The following NAV3 variants were observed in gnomAD, a reference collection of about 807,000 sequenced individuals.
NAV3 encodes the protein neuron navigator 3, also known as pore membrane and/or filament interacting like protein 1.
NAV3 carries 87 observed loss-of-function variants against 244.7 expected under a neutral mutation model. That is an observed-to-expected ratio of 0.36 (90% CI 0.30 to 0.42). The LOEUF (loss-of-function observed/expected upper bound fraction) is 0.42, where lower values mean the gene tolerates loss of function less well. Among genes scored for constraint, NAV3 ranks in the 20% least tolerant of loss-of-function variants. The pLI is 1.00. For synonymous variants in NAV3, 1,126 were observed against 1,042.2 expected (o/e 1.08, Z -1.55); for missense variants, 2,663 against 2,893.3 (o/e 0.92, Z 1.83).
chr12:77,956,262 C>T (rs946135172), intron 3 of NAV3, among the ~76,000 whole-genome samples: 5 of 152,062 alleles, frequency 3.3e-5, no homozygotes, highest in South Asian at 2.1e-4. Flanking sequence ...TATGTAATGG[C>T]GCTAGTATTA....
Position 78,022,489 on chromosome 12 carries a change from T to C in NAV3, c.2023+627T>C, listed in dbSNP as rs997265347. On this transcript the variant is annotated intron_variant, in intron 9 of 39. Coordinates refer to ENST00000397909, the MANE Select transcript of NAV3 (RefSeq NM_001024383.2). ...ATTCGTGAGGAATCAAGTAACCTCC[T>C]AGCAAAATATATTGCCCCTAAAGGG... Among the ~76,000 whole-genome samples, 6 of 151,996 alleles carry C rather than the reference T, an allele frequency of 3.9e-5. No homozygotes were observed. The South Asian group carries it at 1.2e-3, about 31-fold the overall frequency.
chr12:77,878,841 G>A (rs1329713209), intron 1 of NAV3, among the ~76,000 whole-genome samples: 3 of 151,532 alleles, frequency 2.0e-5, no homozygotes, highest in African/African-American at 7.3e-5. Flanking sequence ...AATAGTCTTT[G>A]GCAGTGAAAT....
At chr12:78,127,543 G>A (rs767119812) in intron 17 of NAV3, among the ~76,000 whole-genome samples, 5 of 152,082 alleles carry the variant, frequency 3.3e-5, no homozygotes, top group Non-Finnish European at 7.4e-5. Context: ...CAGCAACTTT[G>A]GTAGAATGCA....
At chr12:77,939,411 T>C (rs1379517220) in intron 1 of NAV3, among the ~76,000 whole-genome samples, 1 of 152,174 alleles carries the variant, frequency 6.6e-6, no homozygotes, top group Admixed American at 6.5e-5. Flanking sequence ...TTTCTTACTT[T>C]CTTTCTTCTA....
chr12:77,599,912 G>C (rs1022167613), intron 2 of NAV3, among the ~76,000 whole-genome samples: 12 of 151,888 alleles, frequency 7.9e-5, no homozygotes, highest in Non-Finnish European at 1.8e-4. Flanking sequence ...TGATTACCCA[G>C]TTTTTAGTCC....
chr12:78,005,442 C>A (rs1018037356), intron 7 of NAV3, among the ~76,000 whole-genome samples: 2 of 152,162 alleles, frequency 1.3e-5, no homozygotes, highest in Non-Finnish European at 2.9e-5. Context: ...TCTACTCAAC[C>A]CTTGCTACTC....
chr12:77,625,100 T>C (rs1355100964), intron 2 of NAV3, among the ~76,000 whole-genome samples: 10 of 152,170 alleles, frequency 6.6e-5, no homozygotes, highest in Non-Finnish European at 1.5e-4. Context: ...TTTAAAACTT[T>C]TAAAATGGTA....
intron 36 of NAV3, chr12:78,199,131 A>G (rs1213673727): frequency 1.6e-6 from 1 of 644,904 alleles, no homozygotes; most frequent in Non-Finnish European, 2.9e-6. Context: ...TAGCTCAAAA[A>G]GTAGAGTTAG....
intron 8 of NAV3, 87 bp downstream of exon 8, chr12:78,007,532 T>A: frequency 7.3e-7 from 1 of 1,365,630 alleles, no homozygotes; most frequent in Non-Finnish European, 9.9e-7. Context: ...GATAAAGTGG[T>A]GCTTTATGTC....
intron 12 of NAV3, 31 bp from the exon 13 acceptor site, chr12:78,116,741 G>T: frequency 6.6e-7 from 1 of 1,516,876 alleles, no homozygotes; most frequent in South Asian, 1.3e-5. Context: ...TCCTGTGTTT[G>T]ATTCACTGCT....
intron 2 of NAV3, among the ~76,000 whole-genome samples, chr12:77,709,579 T>C (rs1461968027): frequency 1.3e-5 from 2 of 152,194 alleles, no homozygotes; most frequent in African/African-American, 4.8e-5. Context: ...TGTTTTAAAT[T>C]ATAAAATTTC....
chr12:77,813,585 C>G (rs944977823), intron 2 of NAV3, among the ~76,000 whole-genome samples: 1 of 152,060 alleles, frequency 6.6e-6, no homozygotes, highest in African/African-American at 2.4e-5. Flanking sequence ...ACTTGGAGGG[C>G]CTATCCCAAA....
chr12:78,057,406 C>T (rs1033196995), intron 11 of NAV3, among the ~76,000 whole-genome samples: 1 of 152,132 alleles, frequency 6.6e-6, no homozygotes, highest in African/African-American at 2.4e-5. Flanking sequence ...ATTTAGTAAA[C>T]TTTGTGATGA....
intron 14 of NAV3, among the ~76,000 whole-genome samples, chr12:78,118,899 C>A (rs1026808777): frequency 6.6e-6 from 1 of 152,188 alleles, no homozygotes; most frequent in African/African-American, 2.4e-5. Context: ...CAAATATAAT[C>A]ATCTCACAGA....
chr12:77,666,502 A>C (rs887558046), intron 2 of NAV3, among the ~76,000 whole-genome samples: 19 of 152,212 alleles, frequency 1.2e-4, no homozygotes, highest in Non-Finnish European at 1.3e-4. Context: ...TATTAGAAAA[A>C]AAAAGAATAC....
chr12:78,172,792 G>A (rs1328062152), intron 24 of NAV3, among the ~76,000 whole-genome samples: 2 of 151,562 alleles, frequency 1.3e-5, no homozygotes, highest in African/African-American at 4.8e-5. Context: ...GTTAAGAACT[G>A]ACAAGATTAC....
intron 2 of NAV3, among the ~76,000 whole-genome samples, chr12:77,577,691 A>T (rs1472745589): frequency 2.0e-5 from 3 of 152,178 alleles, no homozygotes; most frequent in African/African-American, 7.2e-5. Flanking sequence ...TCTGAGTATT[A>T]GTTGCCATTA....
intron 30 of NAV3, among the ~76,000 whole-genome samples, chr12:78,181,952 T>G (rs1300047118): frequency 6.6e-6 from 1 of 152,044 alleles, no homozygotes; most frequent in African/African-American, 2.4e-5. Context: ...TCTGCTATTA[T>G]GGCTGCTCTT....
At chr12:78,155,750 T>G (rs918040298) in intron 22 of NAV3, among the ~76,000 whole-genome samples, 3 of 151,840 alleles carry the variant, frequency 2.0e-5, no homozygotes, top group Non-Finnish European at 4.4e-5. Flanking sequence ...GATGTTACCC[T>G]TTTTTTTATA....
Sources: allele counts gnomAD v4.1 joint callset (sites outside exome capture counted in the v4.1 genomes callset), GRCh38; gene constraint gnomAD v4.1.1; transcripts MANE v1.5; gene names NCBI Gene and HGNC (gene_info 2026-07-23, HGNC 2026-07-21).